Variants in CLVS2 observed in about 807,000 individuals in gnomAD.
The protein encoded by CLVS2 is clavesin-2.
In CLVS2, 19 loss-of-function variants were observed where a neutral mutation model predicts 29.0. That is an observed-to-expected ratio of 0.66 (90% CI 0.46 to 0.96). CLVS2 has a LOEUF of 0.96. Among genes scored for constraint, CLVS2 ranks in the 40% least tolerant of loss-of-function variants. The probability of loss-of-function intolerance (pLI) is 0.00; values close to 1 mark genes in which losing one functional copy is unlikely to be tolerated. For missense variants in CLVS2, 294 were observed against 404.1 expected (o/e 0.73, Z 2.34); for synonymous variants, 161 against 151.3 (o/e 1.06, Z -0.47).
rs1438298397 is a variant in CLVS2 at position 123,001,273 on chromosome 6, T to C, written c.389+3107T>C. ...AGTGTCTGTTTCTGCTGCAATTTAG[T>C]GTAGTTTACTTTTAGGTTATTGTAA... On this transcript the variant is annotated intron_variant, in intron 2 of 5. Coordinates refer to ENST00000275162, the MANE Select transcript of CLVS2 (RefSeq NM_001010852.4). 3.9e-5 allele frequency among the ~76,000 whole-genome samples: 6 copies of C among 152,220 alleles called. No individual in the cohort carries two copies. In the South Asian group the frequency reaches 1.0e-3, roughly 26 times the overall value.
chr6:123,029,375 T>A lies in CLVS2; in HGVS notation c.564+18216T>A, dbSNP rs535020676. Among the ~76,000 whole-genome samples, 319 of 152,280 alleles carry A rather than the reference T, an allele frequency of 2.1e-3. 4 individuals carry two copies. The highest frequency in any genetic ancestry group is 7.2e-3 in the African/African-American group (301 of 41,558). On this transcript the variant is annotated intron_variant, in intron 3 of 5. Transcript: ENST00000275162. ...GGAAAAGGAAGTAAAAAGCCATTAG[T>A]TCTTGCTTAGGGAAAGGACTGAGAA...
At chr6:123,039,888 T>C (rs949686293) in intron 3 of CLVS2, among the ~76,000 whole-genome samples, 2 of 152,212 alleles carry the variant, frequency 1.3e-5, no homozygotes, top group Admixed American at 6.5e-5. Context: ...GAATATTTTA[T>C]ACAGTATTCT....
intron 3 of CLVS2, among the ~76,000 whole-genome samples, chr6:123,032,901 C>A (rs145239584): frequency 2.0e-5 from 3 of 152,192 alleles, no homozygotes; most frequent in East Asian, 1.9e-4. Context: ...TTGTCCAAGG[C>A]ATTATGGGTA....
At chr6:123,045,381 G>T (rs1295164361) in intron 3 of CLVS2, among the ~76,000 whole-genome samples, 2 of 152,086 alleles carry the variant, frequency 1.3e-5, no homozygotes, top group Non-Finnish European at 2.9e-5. Context: ...CATCCCTGTG[G>T]AAGTGATTCA....
At chr6:123,028,846 G>C (rs898412473) in intron 3 of CLVS2, among the ~76,000 whole-genome samples, 1 of 151,860 alleles carries the variant, frequency 6.6e-6, no homozygotes, top group Non-Finnish European at 1.5e-5. Flanking sequence ...TTCTAAACTC[G>C]CAACATTTTG....
At chr6:123,012,305 G>A (rs921573278) in intron 3 of CLVS2, among the ~76,000 whole-genome samples, 1 of 151,832 alleles carries the variant, frequency 6.6e-6, no homozygotes, top group South Asian at 2.1e-4. Context: ...CCTTTTTCCA[G>A]CAATGTATAT....
chr6:123,027,422 T>G (rs1775019172), intron 3 of CLVS2, among the ~76,000 whole-genome samples: 1 of 152,150 alleles, frequency 6.6e-6, no homozygotes, highest in African/African-American at 2.4e-5. Flanking sequence ...CAAGCGATAA[T>G]TCAAAGGAAG....
intron 4 of CLVS2, among the ~76,000 whole-genome samples, chr6:123,049,803 A>AAGG (rs1362999992): frequency 1.7e-5 from 1 of 60,154 alleles, no homozygotes; most frequent in Non-Finnish European, 4.5e-5. Flanking sequence ...CTGTTGTGGG[A>AAGG]TGGGGGGCGG....
At chr6:123,035,525 A>G (rs1775141699) in intron 3 of CLVS2, among the ~76,000 whole-genome samples, 1 of 152,156 alleles carries the variant, frequency 6.6e-6, no homozygotes, top group Non-Finnish European at 1.5e-5. Flanking sequence ...TAGTTGAGCT[A>G]CACTATCTAT....
rs1463875733 is a variant in CLVS2, at chr6:123,048,680, A to G, written c.623A>G (p.His208Arg). ...IHFVNQPWYI[H>R]ALYTVIRPFL... ...TTTGTCAATCAACCATGGTATATCC[A>G]TGCCCTGTACACCGTGATCCGGCCT... The change falls in exon 4 of 6, where the codon CAT becomes CGT. Residue 208 changes from histidine to arginine, a missense_variant. Coordinates refer to ENST00000275162, the MANE Select transcript of CLVS2 (RefSeq NM_001010852.4). 23 of 1,613,536 alleles carry G rather than the reference A, an allele frequency of 1.4e-5. No homozygotes were observed. The Admixed American group carries it at 3.7e-4, about 26-fold the overall frequency.
At position 123,071,797 on chromosome 6, in the gene CLVS2, C is replaced by G. The variant is rs1772953775; in HGVS notation, c.*8036C>G. The G allele has an allele frequency of 6.6e-6, 1 of 151,926 alleles. No homozygotes were observed. Among genetic ancestry groups the G allele is most frequent in the African/African-American group, 2.4e-5 (1 of 41,418 alleles). The allele number at this position is 151,926 out of a possible 1,614,324, so 9.4% of individuals were successfully genotyped here. A position where few individuals can be genotyped will look rare whatever the true frequency, so the allele number is the denominator to read the frequency against. Reference sequence around the variant, plus strand: ...AATCTATATATTATAGTCATTTAGTCTGTGAACCATTTTAACAATTGGGTT... The same window carrying G: ...AATCTATATATTATAGTCATTTAGTGTGTGAACCATTTTAACAATTGGGTT... On this transcript the variant is annotated 3_prime_UTR_variant, in exon 6 of 6. Coordinates refer to ENST00000275162, the MANE Select transcript of CLVS2 (RefSeq NM_001010852.4).
Position 123,070,570 on chromosome 6 carries a change from C to A in CLVS2, c.*6809C>A, listed in dbSNP as rs78218466. ...AACTCAGACCATTTTGTTCTCCAAA[C>A]CCTCTGAAAGAGTAAAAGCCGATGT... On this transcript the variant is annotated 3_prime_UTR_variant, in exon 6 of 6. Coordinates refer to ENST00000275162, the MANE Select transcript of CLVS2 (RefSeq NM_001010852.4). The A allele has an allele frequency of 6.6e-6, 1 of 151,948 alleles. No homozygotes were observed. Among genetic ancestry groups the A allele is most frequent in the Non-Finnish European group, 1.5e-5 (1 of 67,936 alleles). 9.4% of individuals were successfully genotyped at this position (151,948 alleles called of 1,614,324 possible).
At chr6:123,061,311 CG>C (rs1347657480) in intron 5 of CLVS2, among the ~76,000 whole-genome samples, 1 of 147,060 alleles carries the variant, frequency 6.8e-6, no homozygotes, top group Non-Finnish European at 1.5e-5. Flanking sequence ...AAAACAAAAC[CG>C]AAAAAAAAAA....
At chr6:123,044,810 A>G (rs1051722679) in intron 3 of CLVS2, among the ~76,000 whole-genome samples, 1 of 152,162 alleles carries the variant, frequency 6.6e-6, no homozygotes, top group South Asian at 2.1e-4. Flanking sequence ...TCTTGCAGCT[A>G]TCTATTTAGG....
chr6:123,030,283 G>A (rs558088434), intron 3 of CLVS2, among the ~76,000 whole-genome samples: 2 of 152,230 alleles, frequency 1.3e-5, no homozygotes, highest in South Asian at 4.2e-4. Context: ...GCTATTATAA[G>A]AGACAGATAA....
intron 2 of CLVS2, among the ~76,000 whole-genome samples, chr6:123,004,756 T>C (rs748026033): frequency 3.3e-5 from 5 of 151,610 alleles, no homozygotes; most frequent in African/African-American, 7.3e-5. Context: ...CTACTAAAAT[T>C]ACAAAAATTA....
chr6:123,042,465 G>C (rs1441624837), intron 3 of CLVS2, among the ~76,000 whole-genome samples: 2 of 152,092 alleles, frequency 1.3e-5, no homozygotes, highest in Non-Finnish European at 2.9e-5. Context: ...ATTTTAATGA[G>C]GAATGAAAGT....
intron 4 of CLVS2, 91 bp from the exon 5 acceptor site, chr6:123,055,715 T>C: frequency 1.1e-6 from 1 of 875,360 alleles, no homozygotes; most frequent in Non-Finnish European, 1.9e-6. Flanking sequence ...TCATATTTGC[T>C]ATTGCTATCC....
At chr6:123,054,876 A>T (rs771606346) in intron 4 of CLVS2, among the ~76,000 whole-genome samples, 3 of 151,942 alleles carry the variant, frequency 2.0e-5, no homozygotes, top group African/African-American at 7.3e-5. Flanking sequence ...TCAGAAATGC[A>T]TGAAGAAAAT....
Sources: gnomAD v4.1 joint callset for allele counts (sites outside exome capture counted in the v4.1 genomes callset) on GRCh38, gnomAD v4.1.1 for gene constraint, MANE v1.5 for transcripts, NCBI Gene and HGNC (gene_info 2026-07-23, HGNC 2026-07-21) for gene names.